The following PMS1 variants were observed in gnomAD, a reference collection of about 807,000 sequenced individuals.
PMS1 encodes the protein PMS1 homolog 1, mismatch repair system component.
A neutral mutation model predicts 93.1 loss-of-function variants in PMS1; 79 were observed. That is an observed-to-expected ratio of 0.85 (90% CI 0.71 to 1.02). PMS1 has a LOEUF of 1.02. PMS1 is among the 50% of genes least tolerant of loss of function. The probability of loss-of-function intolerance (pLI) is 0.00; values close to 1 mark genes in which losing one functional copy is unlikely to be tolerated. For synonymous variants in PMS1, 335 were observed against 363.4 expected (o/e 0.92, Z 0.89); for missense variants, 1,064 against 1,085.3 (o/e 0.98, Z 0.28).
intron 3 of PMS1, among the ~76,000 whole-genome samples, chr2:189,799,706 G>A (rs796069073): frequency 6.6e-6 from 1 of 152,220 alleles, no homozygotes; most frequent in South Asian, 2.1e-4. Context: ...GCCCCCAGCT[G>A]CCAAGAGTGT....
At chr2:189,817,222 A>C (rs963809100) in intron 4 of PMS1, among the ~76,000 whole-genome samples, 1 of 152,166 alleles carries the variant, frequency 6.6e-6, no homozygotes, top group Non-Finnish European at 1.5e-5. Context: ...CTACACTATA[A>C]ATTTATTTCA....
At chr2:189,807,244 A>AT (rs1177424498) in intron 4 of PMS1, among the ~76,000 whole-genome samples, 1 of 152,032 alleles carries the variant, frequency 6.6e-6, no homozygotes, top group Non-Finnish European at 1.5e-5. Flanking sequence ...GACAATGCAC[A>AT]TTTTTTCCTC....
intron 5 of PMS1, among the ~76,000 whole-genome samples, chr2:189,829,829 C>G (rs1173060347): frequency 1.3e-5 from 2 of 152,202 alleles, no homozygotes; most frequent in African/African-American, 4.8e-5. Context: ...TATCCAGAAT[C>G]TAACGACTTT....
chr2:189,818,149 C>A lies in PMS1; in HGVS notation c.551C>A (p.Pro184His), dbSNP rs778838293. The A allele has an allele frequency of 3.1e-6, 5 of 1,605,742 alleles. No individual in the cohort carries two copies. The highest frequency in any genetic ancestry group is 4.3e-6 in the Non-Finnish European group (5 of 1,173,042). ...CTCATGAGCTTTGGTATCCTTAAAC[C>A]TGACTTAAGGATTGTCTTTGTACAT... ...DLLMSFGILK[P>H]DLRIVFVHNK... The change falls in exon 5 of 13, where the codon CCT becomes CAT. Residue 184 changes from proline (P) to histidine (H), a missense_variant. Physicochemically the swap from Pro to His is moderately conservative, Grantham distance 77 (BLOSUM62 -2). Coordinates refer to ENST00000441310, the MANE Select transcript of PMS1 (RefSeq NM_000534.5).
intron 3 of PMS1, among the ~76,000 whole-genome samples, chr2:189,797,053 A>G (rs1224330710): frequency 1.3e-5 from 2 of 152,174 alleles, no homozygotes; most frequent in East Asian, 1.9e-4. Context: ...GTAAATCTCT[A>G]AGGTTGGTGG....
At chr2:189,845,330 A>C (rs256585) in intron 6 of PMS1, among the ~76,000 whole-genome samples, 13,530 of 152,072 alleles carry the variant, frequency 0.089, 1,094 homozygotes, top group African/African-American at 0.22. Context: ...ATGCCATGCA[A>C]ATGAGAATAT....
chr2:189,827,631 C>T (rs1181286237), intron 5 of PMS1, among the ~76,000 whole-genome samples: 1 of 152,032 alleles, frequency 6.6e-6, no homozygotes, highest in African/African-American at 2.4e-5. Flanking sequence ...TCATGTGTAT[C>T]CACTGTATAT....
At chr2:189,795,308 AAAT>A (rs1228680170) in intron 2 of PMS1, among the ~76,000 whole-genome samples, 4 of 152,212 alleles carry the variant, frequency 2.6e-5, no homozygotes, top group Non-Finnish European at 4.4e-5. Flanking sequence ...AAAACAAAAT[AAAT>A]AAATAAAAAT....
At chr2:189,795,380 G>A (rs984521054) in intron 2 of PMS1, among the ~76,000 whole-genome samples, 10 of 152,140 alleles carry the variant, frequency 6.6e-5, no homozygotes, top group East Asian at 1.9e-4. Context: ...TTACTTTGTC[G>A]CTGATGGAGT....
At chr2:189,821,291 C>A (rs61486716) in intron 5 of PMS1, among the ~76,000 whole-genome samples, 1 of 150,614 alleles carries the variant, frequency 6.6e-6, no homozygotes, top group Non-Finnish European at 1.5e-5. Flanking sequence ...CCTGTCTCTA[C>A]TAAAAATACA....
At chr2:189,849,554 A>G (rs5743119) in intron 6 of PMS1, among the ~76,000 whole-genome samples, 1 of 152,070 alleles carries the variant, frequency 6.6e-6, no homozygotes, top group Admixed American at 6.5e-5. Context: ...AAAATTATCT[A>G]ATTCTCTGAT....
At chr2:189,803,132 G>A (rs1187837523) in intron 3 of PMS1, among the ~76,000 whole-genome samples, 2 of 152,080 alleles carry the variant, frequency 1.3e-5, no homozygotes, top group Admixed American at 1.3e-4. Context: ...TTTTCAACTC[G>A]TTTTTGTGTC....
intron 3 of PMS1, among the ~76,000 whole-genome samples, chr2:189,800,346 AC>A (rs746288938): frequency 3.3e-5 from 5 of 152,192 alleles, no homozygotes; most frequent in African/African-American, 4.8e-5. Flanking sequence ...TTACAAATAT[AC>A]CCAGGCCTGC....
intron 6 of PMS1, among the ~76,000 whole-genome samples, chr2:189,844,944 A>G (rs2054132115): frequency 6.6e-6 from 1 of 151,726 alleles, no homozygotes; most frequent in Non-Finnish European, 1.5e-5. Flanking sequence ...TACAGCCTCC[A>G]TCTCCTGGGT....
At position 189,854,093 on chromosome 2, in the gene PMS1, T is replaced by G. The variant is rs766199464; in HGVS notation, c.966+11T>G. ...TTATTACAAAATAAGGTAACTCTTT[T>G]CAGATAATTTTTTCTTATGCTATTT... On this transcript the variant is annotated intron_variant, in intron 8 of 12. Transcript: ENST00000441310. The G allele has an allele frequency of 6.4e-7, 1 of 1,560,514 alleles. No homozygotes were observed. The highest frequency in any genetic ancestry group is 8.8e-7 in the Non-Finnish European group (1 of 1,142,228).
intron 9 of PMS1, among the ~76,000 whole-genome samples, chr2:189,859,080 C>A (rs564389253): frequency 5.1e-4 from 77 of 152,208 alleles, no homozygotes; most frequent in South Asian, 3.7e-3. Context: ...AACCTTAATT[C>A]TCTAGTCCCA....
intron 5 of PMS1, among the ~76,000 whole-genome samples, chr2:189,823,829 A>T (rs1250778360): frequency 6.6e-6 from 1 of 152,168 alleles, no homozygotes; most frequent in Non-Finnish European, 1.5e-5. Context: ...ATCTCAGTAC[A>T]CTTAGGGGTG....
rs1040434808 is a variant in PMS1, at chr2:189,827,709, C to T, written c.582+9529C>T. On this transcript the variant is annotated intron_variant, in intron 5 of 12. Transcript: ENST00000441310. ...TCGTTTGCAGCAATATGGATGATCT[C>T]GGAGGACATTATGTTAAGTGAAGTG... Among the ~76,000 whole-genome samples the T allele has an allele frequency of 4.0e-5, 6 of 151,620 alleles. No individual in the cohort carries two copies. The South Asian group carries it at 6.3e-4, about 16-fold the overall frequency.
At chr2:189,821,625 A>G (rs2051895465) in intron 5 of PMS1, among the ~76,000 whole-genome samples, 1 of 152,154 alleles carries the variant, frequency 6.6e-6, no homozygotes, top group South Asian at 2.1e-4. Context: ...CCTGGCCGAC[A>G]TGGTGAAACC....
Sources: gnomAD v4.1 joint callset for allele counts (sites outside exome capture counted in the v4.1 genomes callset) on GRCh38, gnomAD v4.1.1 for gene constraint, MANE v1.5 for transcripts, NCBI Gene and HGNC (gene_info 2026-07-23, HGNC 2026-07-21) for gene names.